The following CCDC91 variants were observed in gnomAD, a reference collection of about 807,000 sequenced individuals.
The protein encoded by CCDC91 is coiled-coil domain containing 91.
Under a neutral mutation model 63.2 loss-of-function variants are expected in CCDC91, and 48 were observed. That is an observed-to-expected ratio of 0.76 (90% CI 0.60 to 0.97). The LOEUF (loss-of-function observed/expected upper bound fraction) is 0.97. Among genes scored for constraint, CCDC91 ranks in the 50% least tolerant of loss-of-function variants. CCDC91 has a pLI of 0.00. For missense variants in CCDC91, 500 were observed against 494.6 expected (o/e 1.01, Z -0.10); for synonymous variants, 167 against 165.8 (o/e 1.01, Z -0.06).
chr12:28,254,762 G>A (rs1946332404), intron 1 of CCDC91, among the ~76,000 whole-genome samples: 1 of 145,668 alleles, frequency 6.9e-6, no homozygotes, highest in Admixed American at 7.0e-5. Context: ...AAAAGGAAGA[G>A]TATCATCTGC....
At chr12:28,257,405 A>G (rs1946526935) in intron 2 of CCDC91, among the ~76,000 whole-genome samples, 160 bp downstream of exon 2, 2 of 152,118 alleles carry the variant, frequency 1.3e-5, no homozygotes. Context: ...AAAATAAAAA[A>G]AAACCCTCTA....
Position 28,484,595 on chromosome 12 carries a change from TG to T in CCDC91, c.1215+431del, listed in dbSNP as rs1489705847. 2.0e-5 allele frequency among the ~76,000 whole-genome samples: 3 copies of T among 152,154 alleles called. No homozygotes were observed. In the South Asian group the frequency reaches 6.2e-4, roughly 31 times the overall value. On this transcript the variant is annotated intron_variant, in intron 12 of 12. Transcript: ENST00000536442. Reference sequence around the variant, plus strand: ...TACAGTTAGCAAATTCAGGCTCTTCTGCCATAGTGCCATTTCAAAACCATAA... The same window carrying T: ...TACAGTTAGCAAATTCAGGCTCTTCTCCATAGTGCCATTTCAAAACCATAA...
At chr12:28,299,479 C>A (rs1277652723) in intron 3 of CCDC91, among the ~76,000 whole-genome samples, 1 of 151,530 alleles carries the variant, frequency 6.6e-6, no homozygotes, top group Admixed American at 6.6e-5. Flanking sequence ...TTTGCAAGTT[C>A]ATTTGTTGTT....
intron 11 of CCDC91, among the ~76,000 whole-genome samples, chr12:28,479,952 A>G (rs1186635517): frequency 6.6e-6 from 1 of 151,978 alleles, no homozygotes; most frequent in Non-Finnish European, 1.5e-5. Context: ...GACTATATAA[A>G]TGGCAAGAAG....
At chr12:28,481,462 T>C (rs181701700) in intron 11 of CCDC91, among the ~76,000 whole-genome samples, 8 of 152,184 alleles carry the variant, frequency 5.3e-5, no homozygotes, top group African/African-American at 1.9e-4. Context: ...AATGTACTTA[T>C]TGGTGGCAAC....
chr12:28,442,465 AT>A (rs1221168219), intron 8 of CCDC91, among the ~76,000 whole-genome samples: 2 of 152,088 alleles, frequency 1.3e-5, no homozygotes, highest in Non-Finnish European at 2.9e-5. Context: ...TACAAGGGCA[AT>A]TTTCTGAAAA....
chr12:28,325,588 G>C (rs1372872687), intron 6 of CCDC91, among the ~76,000 whole-genome samples: 3 of 151,892 alleles, frequency 2.0e-5, no homozygotes, highest in Admixed American at 2.0e-4. Flanking sequence ...AGGAGGGGTG[G>C]GTTATAATTT....
chr12:28,335,105 AAT>A (rs1315241669), intron 6 of CCDC91, among the ~76,000 whole-genome samples: 22 of 144,010 alleles, frequency 1.5e-4, no homozygotes, highest in African/African-American at 5.3e-4. Flanking sequence ...ATAAAATATA[AAT>A]ATACATTTAT....
chr12:28,280,083 C>T (rs1033697497), intron 3 of CCDC91, among the ~76,000 whole-genome samples: 1 of 152,074 alleles, frequency 6.6e-6, no homozygotes, highest in African/African-American at 2.4e-5. Context: ...CAAAGGCACT[C>T]TGATATGAGC....
intron 7 of CCDC91, among the ~76,000 whole-genome samples, chr12:28,389,124 C>T (rs1323419621): frequency 6.6e-6 from 1 of 152,076 alleles, no homozygotes; most frequent in African/African-American, 2.4e-5. Flanking sequence ...TATCCGGAAT[C>T]GACAAGGAAC....
intron 12 of CCDC91, among the ~76,000 whole-genome samples, chr12:28,526,605 A>T (rs1941284598): frequency 1.3e-5 from 2 of 152,038 alleles, no homozygotes; most frequent in Admixed American, 1.3e-4. Flanking sequence ...TTTATGATGA[A>T]TTTCCCAGGT....
chr12:28,193,875 G>A (rs1941497307), intron 1 of CCDC91, among the ~76,000 whole-genome samples: 1 of 152,104 alleles, frequency 6.6e-6, no homozygotes, highest in Non-Finnish European at 1.5e-5. Context: ...TGCTGAAATC[G>A]TTTGTTCGTT....
intron 12 of CCDC91, among the ~76,000 whole-genome samples, chr12:28,492,099 A>G (rs1042985431): frequency 3.3e-5 from 5 of 151,798 alleles, no homozygotes; most frequent in Non-Finnish European, 7.4e-5. Context: ...ATGAAGTGGT[A>G]TTACAAATTG....
intron 1 of CCDC91, among the ~76,000 whole-genome samples, chr12:28,228,094 A>G (rs1307483698): frequency 1.3e-5 from 2 of 152,076 alleles, no homozygotes; most frequent in South Asian, 2.1e-4. Context: ...CCACCTATCT[A>G]GTAACTTCAT....
chr12:28,249,266 A>G (rs984139790), intron 1 of CCDC91, among the ~76,000 whole-genome samples: 4 of 152,182 alleles, frequency 2.6e-5, no homozygotes, highest in Non-Finnish European at 5.9e-5. Flanking sequence ...TTGTTCTGAT[A>G]GTTGTCAGCA....
chr12:28,231,759 A>G (rs948434074), intron 1 of CCDC91, among the ~76,000 whole-genome samples: 1 of 152,158 alleles, frequency 6.6e-6, no homozygotes, highest in Non-Finnish European at 1.5e-5. Context: ...AGGTGAATTT[A>G]CTGTCTTTCA....
chr12:28,284,723 A>G (rs918629215), intron 3 of CCDC91, among the ~76,000 whole-genome samples: 4 of 152,098 alleles, frequency 2.6e-5, no homozygotes, highest in Non-Finnish European at 5.9e-5. Flanking sequence ...ATACGACCAG[A>G]TATTACTTAG....
In CCDC91 at chr12:28,439,647, A is replaced by G. The variant is rs77800896; in HGVS notation, c.763-10514A>G. On this transcript the variant is annotated intron_variant, in intron 8 of 12. Coordinates refer to ENST00000536442, the MANE Select transcript of CCDC91 (RefSeq NM_018318.5). ...AAAATGTAATGTACAGAAAACTGCC[A>G]TGTGTGATTGTGATTAAATTTGTCT... Among the ~76,000 whole-genome samples, 1,400 of 152,084 alleles carry G rather than the reference A, an allele frequency of 9.2e-3. 26 individuals carry two copies. The highest frequency in any genetic ancestry group is 0.032 in the African/African-American group (1,329 of 41,504).
chr12:28,289,693 T>TC (rs1416203126), intron 3 of CCDC91, among the ~76,000 whole-genome samples: 1 of 87,546 alleles, frequency 1.1e-5, no homozygotes, highest in Non-Finnish European at 3.2e-5. Flanking sequence ...TTCTTTTTTT[T>TC]TTTTTTTTTT....
Sources: allele counts gnomAD v4.1 joint callset (sites outside exome capture counted in the v4.1 genomes callset), GRCh38; gene constraint gnomAD v4.1.1; transcripts MANE v1.5; gene names NCBI Gene and HGNC (gene_info 2026-07-23, HGNC 2026-07-21).